The following FAM169A variants were observed in gnomAD, a reference collection of about 807,000 sequenced individuals.
FAM169A encodes the protein family with sequence similarity 169 member A.
Under a neutral mutation model 75.7 loss-of-function variants are expected in FAM169A, and 24 were observed. The observed-to-expected ratio is 0.32, with a 90% CI of 0.23 to 0.45. FAM169A has a LOEUF of 0.45. FAM169A is among the 20% of genes least tolerant of loss of function. The pLI, the probability that FAM169A is intolerant of heterozygous loss-of-function variation, is 1.00. For missense variants in FAM169A, 673 were observed against 784.0 expected (o/e 0.86, Z 1.69); for synonymous variants, 271 against 271.0 (o/e 1.00, Z 0.00).
At chr5:74,808,609 C>T (rs1747010880) in intron 6 of FAM169A, among the ~76,000 whole-genome samples, 1 of 152,120 alleles carries the variant, frequency 6.6e-6, no homozygotes, top group Admixed American at 6.5e-5. Context: ...TGTTCACCTA[C>T]AAATAAGGTA....
chr5:74,798,908 C>T, intron 10 of FAM169A: 1 of 662,420 alleles, frequency 1.5e-6, no homozygotes. Flanking sequence ...TTCACATCGA[C>T]TGCCCAGAGT....
intron 5 of FAM169A, among the ~76,000 whole-genome samples, chr5:74,833,008 A>C (rs6880797): frequency 0.013 from 1,945 of 152,178 alleles, 41 homozygotes; most frequent in African/African-American, 0.044. Context: ...CCAGAGAAGG[A>C]GCCTCAACAT....
At chr5:74,848,632 C>CGT (rs546592764) in intron 1 of FAM169A, 1 of 152,104 alleles carries the variant, frequency 6.6e-6, no homozygotes, top group Non-Finnish European at 1.5e-5. Flanking sequence ...AGTTACTTAC[C>CGT]CTCTTTAGGC....
intron 1 of FAM169A, among the ~76,000 whole-genome samples, chr5:74,843,135 G>T (rs2112682379): frequency 6.6e-6 from 1 of 152,078 alleles, no homozygotes; most frequent in East Asian, 1.9e-4. Flanking sequence ...ATTTACAACA[G>T]CAAAAATCAA....
At chr5:74,855,501 T>C (rs1037144199) in intron 1 of FAM169A, among the ~76,000 whole-genome samples, 2 of 152,128 alleles carry the variant, frequency 1.3e-5, no homozygotes, top group Non-Finnish European at 2.9e-5. Context: ...CCTGGCCTTA[T>C]TGTAGTTTTG....
At chr5:74,851,020 A>G (rs1415684849) in intron 1 of FAM169A, among the ~76,000 whole-genome samples, 4 of 151,686 alleles carry the variant, frequency 2.6e-5, no homozygotes, top group Admixed American at 6.6e-5. Flanking sequence ...GGGCTCAACA[A>G]TCCTCGTACA....
intron 6 of FAM169A, among the ~76,000 whole-genome samples, chr5:74,807,743 T>C (rs1030553937): frequency 6.6e-6 from 1 of 152,180 alleles, no homozygotes; most frequent in East Asian, 1.9e-4. Flanking sequence ...TAAATCAACA[T>C]TGATAACTCT....
At chr5:74,807,217 T>C (rs902652981) in intron 6 of FAM169A, among the ~76,000 whole-genome samples, 2 of 152,166 alleles carry the variant, frequency 1.3e-5, no homozygotes, top group South Asian at 4.1e-4. Context: ...TAGCTTAGCC[T>C]CACTTACCTT....
chr5:74,797,816 A>G (rs1746357345), intron 10 of FAM169A, among the ~76,000 whole-genome samples: 1 of 152,186 alleles, frequency 6.6e-6, no homozygotes, highest in South Asian at 2.1e-4. Context: ...ATCGTGGGCC[A>G]TATGGTCTCT....
At chr5:74,811,468 T>C (rs972011219) in intron 6 of FAM169A, among the ~76,000 whole-genome samples, 2 of 152,178 alleles carry the variant, frequency 1.3e-5, no homozygotes, top group Non-Finnish European at 2.9e-5. Context: ...CCCACTCTCA[T>C]GTATGGATTT....
At chr5:74,789,698 G>T (rs1168103618) in intron 11 of FAM169A, among the ~76,000 whole-genome samples, 2 of 152,218 alleles carry the variant, frequency 1.3e-5, no homozygotes, top group African/African-American at 4.8e-5. Context: ...CACAGCGGAG[G>T]CCTCTAGGAT....
intron 1 of FAM169A, among the ~76,000 whole-genome samples, chr5:74,850,505 T>G (rs1044850076): frequency 6.6e-6 from 1 of 152,184 alleles, no homozygotes; most frequent in Non-Finnish European, 1.5e-5. Flanking sequence ...TCCAGCTATA[T>G]TGCAAAGGAT....
chr5:74,828,505 G>A (rs1748149005), intron 5 of FAM169A, among the ~76,000 whole-genome samples: 1 of 152,210 alleles, frequency 6.6e-6, no homozygotes, highest in South Asian at 2.1e-4. Context: ...AAGTCTCCAT[G>A]TGCCCCCAGG....
chr5:74,815,425 A>G (rs540045428), intron 5 of FAM169A, among the ~76,000 whole-genome samples: 1 of 152,208 alleles, frequency 6.6e-6, no homozygotes, highest in South Asian at 2.1e-4. Context: ...TCCTGACCTC[A>G]GGTGATCTGC....
chr5:74,796,082 G>A lies in FAM169A; in HGVS notation c.1208C>T (p.Ala403Val). The A allele has an allele frequency of 6.2e-7, 1 of 1,613,964 alleles. No individual in the cohort carries two copies. Among genetic ancestry groups the A allele is most frequent in the Non-Finnish European group, 8.5e-7 (1 of 1,179,946 alleles). ...EFEDESSDRD[A>V]RPALETQPQQ... Reference sequence around the variant, plus strand: ...TGGCTGGGTTTCCAGTGCTGGCCGTGCATCTCTATCACTGCTTTCATCCTC... The same window carrying A: ...TGGCTGGGTTTCCAGTGCTGGCCGTACATCTCTATCACTGCTTTCATCCTC... Residue 403 changes from alanine to valine, a missense_variant, in exon 11 of 13, where the codon GCA becomes GTA. Coordinates refer to ENST00000687041, the MANE Select transcript of FAM169A (RefSeq NM_001376049.1).
intron 3 of FAM169A, among the ~76,000 whole-genome samples, chr5:74,839,683 C>T (rs1387344019): frequency 6.6e-6 from 1 of 152,042 alleles, no homozygotes; most frequent in Non-Finnish European, 1.5e-5. Flanking sequence ...TGCCACCACG[C>T]CCAGCTAATT....
Position 74,781,682 on chromosome 5 carries a change from T to C in FAM169A, c.1791A>G (p.Glu597=), listed in dbSNP as rs1258298352. The change falls in exon 13 of 13, where the codon GAA becomes GAG. Residue 597 remains glutamate, a synonymous_variant. Transcript: ENST00000687041. ...CTGCATTCTGTGAAAATGGCACGTC[T>C]TCAAGTTCAACCTCTATCAAAGAAC... is the stretch of plus-strand genomic sequence containing the variant. ...PQSSLIEVEL[E]DVPFSQNAGQ... is the part of the protein sequence containing the mutation. The C allele has an allele frequency of 6.2e-7, 1 of 1,614,194 alleles. No individual in the cohort carries two copies. The highest frequency in any genetic ancestry group is 8.5e-7 in the Non-Finnish European group (1 of 1,180,016).
intron 5 of FAM169A, among the ~76,000 whole-genome samples, chr5:74,831,876 G>A (rs1419105297): frequency 6.6e-6 from 1 of 152,064 alleles, no homozygotes; most frequent in Non-Finnish European, 1.5e-5. Flanking sequence ...CAGATCTCAA[G>A]AATTAACCAT....
At chr5:74,853,134 G>C (rs549929375) in intron 1 of FAM169A, among the ~76,000 whole-genome samples, 4 of 152,138 alleles carry the variant, frequency 2.6e-5, no homozygotes, top group Non-Finnish European at 5.9e-5. Flanking sequence ...TAACATACAG[G>C]TCTACAATGG....
Sources: gnomAD v4.1 joint callset for allele counts (sites outside exome capture counted in the v4.1 genomes callset) on GRCh38, gnomAD v4.1.1 for gene constraint, MANE v1.5 for transcripts, NCBI Gene and HGNC (gene_info 2026-07-23, HGNC 2026-07-21) for gene names.